Variants in PHF3 observed in about 807,000 individuals in gnomAD.
PHF3 encodes the protein PHD finger protein 3.
A neutral mutation model predicts 178.4 loss-of-function variants in PHF3; 41 were observed. The observed-to-expected ratio is 0.23, with a 90% CI of 0.18 to 0.30. PHF3 has a LOEUF of 0.30. PHF3 is among the 10% of genes least tolerant of loss of function. PHF3 has a pLI of 1.00. For synonymous variants in PHF3, 842 were observed against 800.5 expected (o/e 1.05, Z -0.88); for missense variants, 2,346 against 2,398.1 (o/e 0.98, Z 0.45).
In PHF3 at chr6:63,720,934, T is replaced by G. The variant is rs940479713; in HGVS notation, c.*7226T>G. On this transcript the variant is annotated 3_prime_UTR_variant, in exon 16 of 16. Transcript: ENST00000262043. ...CAACAGAATGTGCCATTGTTATAGCTCATAGGCACAGAGATTCTTTCTCCC... is the reference window on the plus strand; with the variant it reads ...CAACAGAATGTGCCATTGTTATAGCGCATAGGCACAGAGATTCTTTCTCCC... 5 of 1,551,094 alleles carry G rather than the reference T, an allele frequency of 3.2e-6. No homozygotes were observed. Among genetic ancestry groups the G allele is most frequent in the Non-Finnish European group, 4.4e-6 (5 of 1,146,672 alleles).
chr6:63,646,130 A>G (rs891568155), intron 1 of PHF3, among the ~76,000 whole-genome samples: 1 of 152,172 alleles, frequency 6.6e-6, no homozygotes, highest in African/African-American at 2.4e-5. Context: ...ATGTGGACTT[A>G]TTGTAAAAGC....
chr6:63,723,355 ATTAAG>A lies in PHF3; in HGVS notation c.*9650_*9654del, dbSNP rs1199926840. Among the ~76,000 whole-genome samples, 2 of 152,210 alleles carry A rather than the reference ATTAAG, an allele frequency of 1.3e-5. No individual in the cohort carries two copies. The highest frequency in any genetic ancestry group is 2.9e-5 in the Non-Finnish European group (2 of 68,038). The stretch of plus-strand genomic sequence containing the variant: ...CTGGAACAAGTAAACATAATTGATA[ATTAAG>A]TTCAAAAAATTTATAGCAACCTAAA... On this transcript the variant is annotated 3_prime_UTR_variant, in exon 16 of 16. Transcript: ENST00000262043.
intron 1 of PHF3, among the ~76,000 whole-genome samples, chr6:63,643,148 A>C (rs973078917): frequency 3.9e-5 from 6 of 152,154 alleles, no homozygotes; most frequent in African/African-American, 1.4e-4. Flanking sequence ...TTTCTGTTCC[A>C]TGATCTAATC....
intron 11 of PHF3, among the ~76,000 whole-genome samples, chr6:63,704,887 C>T (rs1767625252): frequency 6.6e-6 from 1 of 152,168 alleles, no homozygotes; most frequent in South Asian, 2.1e-4. Flanking sequence ...TTTTGCCTTC[C>T]CGCCAGCAAT....
At chr6:63,640,032 CT>C (rs1764505923) in intron 1 of PHF3, among the ~76,000 whole-genome samples, 1 of 152,164 alleles carries the variant, frequency 6.6e-6, no homozygotes, top group Non-Finnish European at 1.5e-5. Context: ...CTGCTTTGGT[CT>C]TAGTTGTCTT....
chr6:63,654,927 T>G, intron 2 of PHF3, among the ~76,000 whole-genome samples: 1 of 137,592 alleles, frequency 7.3e-6, no homozygotes, highest in East Asian at 2.3e-4. Context: ...GGGCTCTCAC[T>G]GTGTTGCCCA....
At chr6:63,656,292 T>A (rs1186655026) in intron 2 of PHF3, among the ~76,000 whole-genome samples, 1 of 152,256 alleles carries the variant, frequency 6.6e-6, no homozygotes, top group Non-Finnish European at 1.5e-5. Flanking sequence ...TTTTTTGTCT[T>A]TTTAACTTAA....
rs1222067437 is a variant in PHF3, at chr6:63,715,838, A to T, written c.*2130A>T. On this transcript the variant is annotated 3_prime_UTR_variant, in exon 16 of 16. Coordinates refer to ENST00000262043, the MANE Select transcript of PHF3 (RefSeq NM_001370348.2). ...AAAAGGGAAAATGAGCAGATTTTTCAATGAGTAGTAGATCCAAAGCCATTC... is the reference window on the plus strand; with the variant it reads ...AAAAGGGAAAATGAGCAGATTTTTCTATGAGTAGTAGATCCAAAGCCATTC... 3.9e-5 allele frequency among the ~76,000 whole-genome samples: 6 copies of T among 152,116 alleles called. No homozygotes were observed. Among genetic ancestry groups the T allele is most frequent in the Admixed American group, 1.3e-4 (2 of 15,230 alleles).
Position 63,686,224 on chromosome 6 carries a change from G to T in PHF3, c.2189+313G>T, listed in dbSNP as rs552943661. The T allele has an allele frequency of 7.1e-5, 20 of 280,460 alleles. No homozygotes were observed. The South Asian group carries it at 2.3e-3, about 32-fold the overall frequency. The allele number at this position is 280,460 out of a possible 1,614,324, so 17.4% of individuals were successfully genotyped here. A position where few individuals can be genotyped will look rare whatever the true frequency, so the allele number is the denominator to read the frequency against. On this transcript the variant is annotated intron_variant, in intron 4 of 15. Transcript: ENST00000262043. ...CTGCAAAAAAGCCAAACACTTCCTGGTAATTGGAAAATTGTTATACTGCTT... is the reference window on the plus strand; with the variant it reads ...CTGCAAAAAAGCCAAACACTTCCTGTTAATTGGAAAATTGTTATACTGCTT...
intron 2 of PHF3, among the ~76,000 whole-genome samples, chr6:63,649,525 A>G (rs961331447): frequency 6.6e-6 from 1 of 152,178 alleles, no homozygotes; most frequent in African/African-American, 2.4e-5. Context: ...CTTTTCTGTT[A>G]TGATGAACCA....
chr6:63,684,345 A>G lies in PHF3; in HGVS notation c.623A>G (p.Glu208Gly), dbSNP rs1399267398. Residue 208 changes from glutamate to glycine, a missense_variant, in exon 4 of 16, where the codon GAA becomes GGA. This residue lies in a region of PHF3 where 843 missense variants were observed against 795.2 expected (regional missense o/e 1.06). Coordinates refer to ENST00000262043, the MANE Select transcript of PHF3 (RefSeq NM_001370348.2). ...RRCSRNSGQI[E>G]VVPEVSVSSS... ...TGCAGCCGAAATAGCGGACAAATTG[A>G]AGTGGTACCTGAAGTATCAGTGTCT... is the stretch of plus-strand genomic sequence containing the variant. 2 of 1,613,850 alleles carry G rather than the reference A, an allele frequency of 1.2e-6. No homozygotes were observed. The highest frequency in any genetic ancestry group is 2.7e-5 in the African/African-American group (2 of 74,914).
Position 63,717,227 on chromosome 6 carries a change from A to C in PHF3, c.*3519A>C, listed in dbSNP as rs1768218432. 6.6e-6 allele frequency among the ~76,000 whole-genome samples: 1 copy of C among 152,068 alleles called. No homozygotes were observed. Among genetic ancestry groups the C allele is most frequent in the South Asian group, 2.1e-4 (1 of 4,830 alleles). On this transcript the variant is annotated 3_prime_UTR_variant, in exon 16 of 16. Coordinates refer to ENST00000262043, the MANE Select transcript of PHF3 (RefSeq NM_001370348.2). ...CAGGTAACTTTACTCTGTTGTTCCT[A>C]AGTTTTTAATAGTAGCTGTGTTTTT...
chr6:63,652,995 T>A (rs140399399), intron 2 of PHF3, among the ~76,000 whole-genome samples: 423 of 151,682 alleles, frequency 2.8e-3, no homozygotes, highest in Admixed American at 4.5e-3. Context: ...TATTATTATT[T>A]TTTGCTCAGG....
At chr6:63,645,673 C>T (rs1363162962) in intron 1 of PHF3, among the ~76,000 whole-genome samples, 1 of 152,126 alleles carries the variant, frequency 6.6e-6, no homozygotes, top group Non-Finnish European at 1.5e-5. Context: ...TCAGTTTTCT[C>T]TCAAACTGAT....
rs1461790884 is a variant in PHF3, at chr6:63,722,342, G to C, written c.*8634G>C. ...ACTCCTACCTGTCCTTCAGGTTTCA[G>C]ATCAAGTGTCACTTCCTCAGAGAAG... On this transcript the variant is annotated 3_prime_UTR_variant, in exon 16 of 16. Coordinates refer to ENST00000262043, the MANE Select transcript of PHF3 (RefSeq NM_001370348.2). Among the ~76,000 whole-genome samples, 1 of 152,138 alleles carries C rather than the reference G, an allele frequency of 6.6e-6. No individual in the cohort carries two copies. Among genetic ancestry groups the C allele is most frequent in the Non-Finnish European group, 1.5e-5 (1 of 68,016 alleles).
chr6:63,688,469 G>C (rs1225846449), intron 4 of PHF3, among the ~76,000 whole-genome samples: 1 of 149,254 alleles, frequency 6.7e-6, no homozygotes, highest in Non-Finnish European at 1.5e-5. Context: ...CCAAGTAGCT[G>C]GGATTACGGG....
chr6:63,700,611 G>A (rs546320700), intron 9 of PHF3, 145 bp downstream of exon 9: 14 of 511,124 alleles, frequency 2.7e-5, no homozygotes, highest in South Asian at 1.4e-4. Flanking sequence ...TTGAGATGGC[G>A]TCTAGCTCAT....
intron 13 of PHF3, 66 bp from the exon 14 acceptor site, chr6:63,709,084 GA>G (rs1767812996): frequency 1.3e-6 from 1 of 759,852 alleles, no homozygotes; most frequent in Admixed American, 2.8e-5. Context: ...AAATTTGTAT[GA>G]ATTACTAATG....
intron 4 of PHF3, chr6:63,686,392 CTA>C (rs1392046933): frequency 3.3e-5 from 5 of 152,394 alleles, no homozygotes; most frequent in African/African-American, 1.2e-4. Flanking sequence ...CATTTCATAA[CTA>C]TCAAACTTTA....
Sources: gnomAD v4.1 joint callset for allele counts (sites outside exome capture counted in the v4.1 genomes callset) on GRCh38, gnomAD v4.1.1 for gene constraint, gnomAD v4.1.1 regional missense constraint, MANE v1.5 for transcripts, NCBI Gene and HGNC (gene_info 2026-07-23, HGNC 2026-07-21) for gene names.